The following LDLRAD3 variants were observed in gnomAD, a reference collection of about 807,000 sequenced individuals.
LDLRAD3 encodes the protein low density lipoprotein receptor class A domain containing 3.
LDLRAD3 carries 20 observed loss-of-function variants against 29.4 expected under a neutral mutation model. That is an observed-to-expected ratio of 0.68 (90% confidence interval 0.48 to 0.99). LDLRAD3 has a LOEUF of 0.99. Ranked by LOEUF, LDLRAD3 falls within the 50% of genes least tolerant of loss-of-function variation. The pLI, the probability that LDLRAD3 is intolerant of heterozygous loss-of-function variation, is 0.00. For missense variants in LDLRAD3, 420 were observed against 454.3 expected, an observed-to-expected ratio of 0.92 and a Z score of 0.69; for synonymous variants, 157 against 192.7, an observed-to-expected ratio of 0.81 and a Z score of 1.53.
rs557181323 is a variant in LDLRAD3, at chr11:36,213,587, C to G, written c.455-13498C>G. Among the ~76,000 whole-genome samples the G allele has an allele frequency of 6.6e-6, 1 of 152,294 alleles. No individual in the cohort carries two copies. Among genetic ancestry groups the G allele is most frequent in the East Asian group, 1.9e-4 (1 of 5,160 alleles). On this transcript the variant is annotated intron_variant, in intron 4 of 5. Transcript: ENST00000315571. This position sits in a 1 kb window ranked among gnomAD's most constrained non-coding sequence, Gnocchi z 4.1. ...TGCTTCCAGGCTTGAGAAAGTGTGG[C>G]TGCCACTGTGGCAGAGGCCATGGTA...
chr11:36,093,736 T>A (rs755076436), intron 3 of LDLRAD3, among the ~76,000 whole-genome samples: 5 of 152,174 alleles, frequency 3.3e-5, no homozygotes, highest in Non-Finnish European at 7.3e-5. Context: ...GAATGAGATA[T>A]GCTGACAATT....
rs1264823128 is a variant in LDLRAD3, at chr11:36,230,094, A to G, written c.*697A>G. The G allele has an allele frequency of 1.3e-5, 2 of 152,364 alleles. No homozygotes were observed. The highest frequency in any genetic ancestry group is 1.9e-4 in the East Asian group (1 of 5,176). The allele number at this position is 152,364 out of a possible 1,614,324, so 9.4% of individuals were successfully genotyped here. A position where few individuals can be genotyped will look rare whatever the true frequency, so the allele number is the denominator to read the frequency against. ...CTGAGAGCTTTCCTCAGCAGCATAT[A>G]TCATCAGCCTCATCCTAAAATAGGC... On this transcript the variant is annotated 3_prime_UTR_variant, in exon 6 of 6. Transcript: ENST00000315571.
intron 1 of LDLRAD3, among the ~76,000 whole-genome samples, chr11:35,956,333 T>G (rs887775020): frequency 6.6e-6 from 1 of 152,160 alleles, no homozygotes; most frequent in African/African-American, 2.4e-5. Flanking sequence ...AAAATAAAAT[T>G]CAAAATAATT....
intron 4 of LDLRAD3, among the ~76,000 whole-genome samples, chr11:36,120,457 T>C (rs978198655): frequency 3.9e-5 from 6 of 152,168 alleles, no homozygotes; most frequent in Non-Finnish European, 8.8e-5. Flanking sequence ...CCTGAGCACT[T>C]TATGCATATT....
intron 4 of LDLRAD3, among the ~76,000 whole-genome samples, chr11:36,121,487 C>T (rs755306329): frequency 2.0e-5 from 3 of 152,124 alleles, no homozygotes; most frequent in Non-Finnish European, 4.4e-5. Flanking sequence ...GGCATTCTAC[C>T]CTGTCCTGTA....
intron 4 of LDLRAD3, among the ~76,000 whole-genome samples, chr11:36,211,461 G>T (rs1247217385): frequency 2.0e-5 from 3 of 152,162 alleles, no homozygotes; most frequent in Non-Finnish European, 4.4e-5. Flanking sequence ...GTGCTGTGTG[G>T]AAAATGGATT....
chr11:36,007,918 G>A (rs1851905101), intron 1 of LDLRAD3, among the ~76,000 whole-genome samples: 1 of 152,172 alleles, frequency 6.6e-6, no homozygotes, highest in Non-Finnish European at 1.5e-5. Context: ...CCAGATAAAA[G>A]AATTGAGTGA....
intron 4 of LDLRAD3, among the ~76,000 whole-genome samples, chr11:36,139,627 T>C (rs1417260298): frequency 6.6e-6 from 1 of 152,184 alleles, no homozygotes; most frequent in Non-Finnish European, 1.5e-5. Flanking sequence ...GTAAGTAACT[T>C]ACCCGTAGTC....
chr11:36,144,185 C>G (rs1302623602), intron 4 of LDLRAD3, among the ~76,000 whole-genome samples: 1 of 152,000 alleles, frequency 6.6e-6, no homozygotes, highest in Non-Finnish European at 1.5e-5. Flanking sequence ...CCAGCCTCGG[C>G]CTCCCGAGGT....
intron 4 of LDLRAD3, among the ~76,000 whole-genome samples, chr11:36,206,715 G>A (rs1333577331): frequency 7.0e-6 from 1 of 142,886 alleles, no homozygotes; most frequent in Non-Finnish European, 1.5e-5. Flanking sequence ...AGCAAGACTT[G>A]TTGATTTTAC....
At chr11:36,063,878 T>A (rs1315580044) in intron 2 of LDLRAD3, among the ~76,000 whole-genome samples, 1 of 152,236 alleles carries the variant, frequency 6.6e-6, no homozygotes, top group Non-Finnish European at 1.5e-5. Flanking sequence ...TTTTTCAATA[T>A]GGTTTTGGCT....
intron 4 of LDLRAD3, among the ~76,000 whole-genome samples, chr11:36,181,141 T>G (rs1854756376): frequency 6.6e-6 from 1 of 151,678 alleles, no homozygotes; most frequent in Non-Finnish European, 1.5e-5. Flanking sequence ...CCCAATAAAA[T>G]GTATTAACTG....
intron 1 of LDLRAD3, among the ~76,000 whole-genome samples, chr11:35,965,755 C>G (rs948911736): frequency 6.6e-6 from 1 of 151,950 alleles, no homozygotes; most frequent in Non-Finnish European, 1.5e-5. Flanking sequence ...CAGAGACACA[C>G]TATTTTTTTT....
chr11:36,147,505 A>T (rs1854215355), intron 4 of LDLRAD3, among the ~76,000 whole-genome samples: 1 of 152,158 alleles, frequency 6.6e-6, no homozygotes, highest in Non-Finnish European at 1.5e-5. Flanking sequence ...TCCTTAACTC[A>T]ATTACATCTG....
intron 4 of LDLRAD3, among the ~76,000 whole-genome samples, chr11:36,211,033 G>A (rs574679883): frequency 6.6e-6 from 1 of 152,314 alleles, no homozygotes; most frequent in South Asian, 2.1e-4. Flanking sequence ...CTGAATAAAA[G>A]CTGTGCATCT....
intron 4 of LDLRAD3, among the ~76,000 whole-genome samples, chr11:36,194,781 T>G (rs1460103997): frequency 1.3e-5 from 2 of 152,350 alleles, no homozygotes; most frequent in East Asian, 3.9e-4. Context: ...CATCCTTGAC[T>G]CATTCATTCA....
intron 2 of LDLRAD3, among the ~76,000 whole-genome samples, chr11:36,044,477 C>T (rs1852422047): frequency 6.6e-6 from 1 of 152,158 alleles, no homozygotes; most frequent in South Asian, 2.1e-4. Context: ...CTGGCCAGAG[C>T]AATGCTGGGA....
At chr11:36,185,609 TC>T (rs1289221541) in intron 4 of LDLRAD3, among the ~76,000 whole-genome samples, 1 of 152,148 alleles carries the variant, frequency 6.6e-6, no homozygotes, top group Non-Finnish European at 1.5e-5. Flanking sequence ...GTACCTGGGC[TC>T]CCTCACTGTC....
chr11:36,120,698 C>T (rs1374561510), intron 4 of LDLRAD3, among the ~76,000 whole-genome samples: 1 of 152,152 alleles, frequency 6.6e-6, no homozygotes, highest in South Asian at 2.1e-4. Flanking sequence ...CAGTCTACAC[C>T]TCCAGAAGTG....
Sources: allele counts gnomAD v4.1 joint callset (sites outside exome capture counted in the v4.1 genomes callset), GRCh38; gene constraint gnomAD v4.1.1; non-coding constraint Gnocchi (gnomAD v3.1); transcripts MANE v1.5; gene names NCBI Gene and HGNC (gene_info 2026-07-23, HGNC 2026-07-21).